PHACTR3: variants seen among roughly 807,000 people sequenced by gnomAD.
PHACTR3 encodes phosphatase and actin regulator 3, also known as protein phosphatase 1, regulatory subunit 123.
Under a neutral mutation model 66.8 loss-of-function variants are expected in PHACTR3, and 16 were observed. The ratio of observed to expected loss-of-function variants is 0.24; its 90% confidence interval spans 0.16 to 0.36. The LOEUF is 0.36. PHACTR3 is among the 10% of genes least tolerant of loss of function. The probability of loss-of-function intolerance (pLI) is 1.00; values close to 1 mark genes in which losing one functional copy is unlikely to be tolerated. For synonymous variants in PHACTR3, 323 were observed against 292.1 expected, an observed-to-expected ratio of 1.11 and a Z score of -1.08; for missense variants, 647 against 719.9, an observed-to-expected ratio of 0.90 and a Z score of 1.16.
intron 7 of PHACTR3, among the ~76,000 whole-genome samples, chr20:59,792,987 T>A (rs964255642): frequency 1.3e-5 from 2 of 152,186 alleles, no homozygotes; most frequent in Non-Finnish European, 2.9e-5. Flanking sequence ...TGGGCTCAAG[T>A]GATCCTCAAA....
intron 4 of PHACTR3, among the ~76,000 whole-genome samples, chr20:59,764,403 A>T (rs545043506): frequency 6.6e-6 from 1 of 152,246 alleles, no homozygotes; most frequent in East Asian, 1.9e-4. Flanking sequence ...ATTGTCCTGG[A>T]GGAGATGAGT....
intron 1 of PHACTR3, among the ~76,000 whole-genome samples, chr20:59,643,627 G>T (rs2035181181): frequency 6.6e-6 from 1 of 152,184 alleles, no homozygotes; most frequent in Admixed American, 6.5e-5. Context: ...AATGCATCTG[G>T]ATAAAATCCC....
intron 1 of PHACTR3, among the ~76,000 whole-genome samples, chr20:59,693,930 C>G (rs553999753): frequency 6.6e-6 from 1 of 152,170 alleles, no homozygotes; most frequent in Non-Finnish European, 1.5e-5. Context: ...CAATTGGCAA[C>G]GTAAGCCCCA....
chr20:59,740,738 A>G (rs1206311093), intron 1 of PHACTR3, among the ~76,000 whole-genome samples: 1 of 152,192 alleles, frequency 6.6e-6, no homozygotes, highest in Non-Finnish European at 1.5e-5. Context: ...GCCCTGGGTT[A>G]GAGACAGGTG....
chr20:59,739,779 GC>G (rs1011431388), intron 1 of PHACTR3, among the ~76,000 whole-genome samples: 30 of 151,878 alleles, frequency 2.0e-4, no homozygotes, highest in Non-Finnish European at 3.2e-4. Flanking sequence ...ATGACCTCAT[GC>G]CCCAACCCAC....
intron 1 of PHACTR3, among the ~76,000 whole-genome samples, chr20:59,650,270 T>C (rs1006476416): frequency 2.1e-4 from 32 of 152,330 alleles, no homozygotes; most frequent in African/African-American, 6.0e-4. Context: ...TATATCTGCA[T>C]ATACCTATGA....
At chr20:59,806,294 C>T (rs925562230) in intron 8 of PHACTR3, 100 bp downstream of exon 8, 4 of 1,451,394 alleles carry the variant, frequency 2.8e-6, no homozygotes, top group Non-Finnish European at 3.7e-6. Flanking sequence ...CCGGGACGCA[C>T]AACCCACCGT....
intron 8 of PHACTR3, chr20:59,835,731 T>A (rs1372747226): frequency 6.6e-6 from 1 of 152,208 alleles, no homozygotes; most frequent in East Asian, 1.9e-4. Flanking sequence ...ATCCTCCAAC[T>A]TCCTCAATGA....
chr20:59,700,576 T>C (rs941997572), intron 1 of PHACTR3, among the ~76,000 whole-genome samples: 1 of 152,336 alleles, frequency 6.6e-6, no homozygotes, highest in Admixed American at 6.5e-5. Context: ...ACAAGGGTAG[T>C]GCTTAAAAAC....
chr20:59,655,564 A>C (rs919754939), intron 1 of PHACTR3, among the ~76,000 whole-genome samples: 1 of 151,906 alleles, frequency 6.6e-6, no homozygotes, highest in African/African-American at 2.4e-5. Flanking sequence ...AGTCTAGCTA[A>C]AGATTTATAA....
chr20:59,710,595 C>A (rs1342059154), intron 1 of PHACTR3, among the ~76,000 whole-genome samples: 4 of 152,084 alleles, frequency 2.6e-5, no homozygotes, highest in African/African-American at 9.7e-5. Context: ...TTCCTGGAGG[C>A]ACTTGACCTC....
chr20:59,739,786 C>G (rs1020188452), intron 1 of PHACTR3, among the ~76,000 whole-genome samples: 1 of 151,998 alleles, frequency 6.6e-6, no homozygotes, highest in Admixed American at 6.5e-5. Context: ...CATGCCCCAA[C>G]CCACCTAGGG....
intron 1 of PHACTR3, among the ~76,000 whole-genome samples, chr20:59,632,993 G>A (rs114350747): frequency 5.5e-4 from 83 of 152,212 alleles, no homozygotes; most frequent in African/African-American, 1.9e-3. Context: ...TTGCACTTCC[G>A]TCCCCCACCT....
At chr20:59,804,332 A>G (rs911798226) in intron 7 of PHACTR3, among the ~76,000 whole-genome samples, 1 of 152,212 alleles carries the variant, frequency 6.6e-6, no homozygotes, top group Non-Finnish European at 1.5e-5. Flanking sequence ...AGCAAATACG[A>G]TTGAAAGTAT....
Position 59,743,251 on chromosome 20 carries a change from T to C in PHACTR3, c.263T>C (p.Leu88Pro). ...WKWRKKKNEK[L>P]KQTTSALEKK... Reference sequence around the variant, plus strand: ...TGGAGGAAAAAGAAAAACGAAAAACTGAAGCAGACAACGTCAGGTAAAGGC... The same window carrying C: ...TGGAGGAAAAAGAAAAACGAAAAACCGAAGCAGACAACGTCAGGTAAAGGC... Residue 88 changes from leucine to proline, a missense_variant, in exon 2 of 13, where the codon CTG (leucine) becomes CCG (proline). Leu to Pro is a moderately conservative substitution (Grantham distance 98). Coordinates refer to ENST00000371015, the MANE Select transcript of PHACTR3 (RefSeq NM_080672.5). 1 of 1,614,020 alleles carries C rather than the reference T, an allele frequency of 6.2e-7. No individual in the cohort carries two copies. The highest frequency in any genetic ancestry group is 8.5e-7 in the Non-Finnish European group (1 of 1,179,966).
At chr20:59,632,549 T>G (rs76595797) in intron 1 of PHACTR3, among the ~76,000 whole-genome samples, 105 of 152,332 alleles carry the variant, frequency 6.9e-4, no homozygotes, top group African/African-American at 2.5e-3. Flanking sequence ...AAAGGAAAGC[T>G]GAGCAAAGAC....
At chr20:59,827,361 C>G (rs2042222897) in intron 8 of PHACTR3, among the ~76,000 whole-genome samples, 1 of 152,140 alleles carries the variant, frequency 6.6e-6, no homozygotes, top group African/African-American at 2.4e-5. Context: ...AAGGACTCAT[C>G]TCATCTGTAT....
rs1188099636 is a variant in PHACTR3 at position 59,747,668 on chromosome 20, G to A, written c.281-90G>A. ...CCTGCTAGCTCAGTGTTTTTGGTCT[G>A]TAAACTTGAGCCTGGCATTGGCTGT... On this transcript the variant is annotated intron_variant, in intron 2 of 12. Transcript: ENST00000371015. The A allele has an allele frequency of 3.4e-6, 5 of 1,476,858 alleles. No individual in the cohort carries two copies. The Admixed American group carries it at 7.4e-5, about 22-fold the overall frequency. 91.5% of individuals were successfully genotyped at this position (1,476,858 alleles called of 1,614,324 possible). A position where few individuals can be genotyped will look rare whatever the true frequency, so the allele number is the denominator to read the frequency against.
Position 59,830,374 on chromosome 20 carries a change from ATGTC to A in PHACTR3, c.1329-6128_1329-6125del, listed in dbSNP as rs368081087. Among the ~76,000 whole-genome samples, 67 of 151,844 alleles carry A rather than the reference ATGTC, an allele frequency of 4.4e-4. No homozygotes were observed. Among genetic ancestry groups the A allele is most frequent in the African/African-American group, 1.5e-3 (62 of 41,308 alleles). On this transcript the variant is annotated intron_variant, in intron 8 of 12. Coordinates refer to ENST00000371015, the MANE Select transcript of PHACTR3 (RefSeq NM_080672.5). This position sits in a 1 kb window ranked among gnomAD's most constrained non-coding sequence, Gnocchi z 5.8. The stretch of plus-strand genomic sequence containing the variant: ...GGTGTGTCTGATGGAGACGGTGTGA[ATGTC>A]TGATGGAGAGAGCATGAGTGATGAA...
Sources: allele counts gnomAD v4.1 joint callset (sites outside exome capture counted in the v4.1 genomes callset), GRCh38; gene constraint gnomAD v4.1.1; non-coding constraint Gnocchi (gnomAD v3.1); transcripts MANE v1.5; gene names NCBI Gene and HGNC (gene_info 2026-07-23, HGNC 2026-07-21).